IGHMBP2: variants seen among roughly 807,000 people sequenced by gnomAD.
IGHMBP2 encodes DNA-binding protein SMUBP-2.
Under a neutral mutation model 96.0 loss-of-function variants are expected in IGHMBP2, and 81 were observed. The observed-to-expected ratio is 0.84, with a 90% confidence interval of 0.71 to 1.01. The LOEUF (loss-of-function observed/expected upper bound fraction) is 1.01, where lower values mean the gene tolerates loss of function less well. Among genes scored for constraint, IGHMBP2 ranks in the 50% least tolerant of loss-of-function variants. The pLI is 0.00. For missense variants in IGHMBP2, 1,227 were observed against 1,306.3 expected (o/e 0.94, Z 0.94); for synonymous variants, 557 against 548.9 (o/e 1.01, Z -0.21).
At chr11:68,919,275 C>A (rs1408316436) in intron 7 of IGHMBP2, among the ~76,000 whole-genome samples, 1 of 150,458 alleles carries the variant, frequency 6.6e-6, no homozygotes, top group African/African-American at 2.4e-5. Context: ...TCTCCTCATC[C>A]CTGTCCCCAT....
chr11:68,936,093 C>T, intron 12 of IGHMBP2, 144 bp from the exon 13 acceptor site: 4 of 879,890 alleles, frequency 4.5e-6, no homozygotes, highest in South Asian at 4.1e-5. Flanking sequence ...CATCACGGTG[C>T]CACGCGTGGC....
At chr11:68,915,461 T>G (rs1327528683) in intron 6 of IGHMBP2, among the ~76,000 whole-genome samples, 1 of 151,236 alleles carries the variant, frequency 6.6e-6, no homozygotes, top group Non-Finnish European at 1.5e-5. Flanking sequence ...ATTACAGGCG[T>G]GAGCCACCAT....
chr11:68,909,800 G>A (rs1444875915), intron 4 of IGHMBP2, among the ~76,000 whole-genome samples: 1 of 151,696 alleles, frequency 6.6e-6, no homozygotes, highest in African/African-American at 2.4e-5. Flanking sequence ...GCTAATTTTT[G>A]TATTTTTTAG....
chr11:68,934,122 G>A, intron 10 of IGHMBP2: 8 of 622,446 alleles, frequency 1.3e-5, no homozygotes, highest in Middle Eastern at 4.3e-4. Context: ...GGGCCTGGCA[G>A]CATTTTACGG....
chr11:68,909,181 G>T (rs1482428768), intron 4 of IGHMBP2, among the ~76,000 whole-genome samples: 1 of 115,248 alleles, frequency 8.7e-6, no homozygotes, highest in East Asian at 2.5e-4. Flanking sequence ...TTTGGCGGGG[G>T]GGGTGGAGGG....
chr11:68,916,656 G>C (rs1858682823), intron 6 of IGHMBP2, among the ~76,000 whole-genome samples: 1 of 152,194 alleles, frequency 6.6e-6, no homozygotes, highest in Admixed American at 6.5e-5. Context: ...GGCGGCAGCA[G>C]AGAGGGTGCT....
intron 6 of IGHMBP2, among the ~76,000 whole-genome samples, chr11:68,915,257 G>T (rs1405583739): frequency 7.7e-6 from 1 of 129,602 alleles, no homozygotes; most frequent in African/African-American, 3.0e-5. Flanking sequence ...TCGGCTCACT[G>T]CAACCTCTGC....
At chr11:68,905,951 C>A in intron 1 of IGHMBP2, 118 bp from the exon 2 acceptor site, 1 of 1,015,644 alleles carries the variant, frequency 9.8e-7, no homozygotes, top group Non-Finnish European at 1.6e-6. Flanking sequence ...TCCATTGGGA[C>A]ATATTTAGTG....
rs776712637 is a variant in IGHMBP2 at position 68,934,563 on chromosome 11, G to A, written c.1632+5G>A. On this transcript the variant is annotated splice_donor_5th_base_variant and intron_variant, in intron 11 of 14. Coordinates refer to ENST00000255078, the MANE Select transcript of IGHMBP2 (RefSeq NM_002180.3). ...GTCTCGCCATACAACCTCCAGGTACGAGGGTTTCCTTTTGTCCCTCTACAG... is the reference window on the plus strand; with the variant it reads ...GTCTCGCCATACAACCTCCAGGTACAAGGGTTTCCTTTTGTCCCTCTACAG... 1.2e-5 allele frequency: 19 copies of A among 1,602,258 alleles called. No homozygotes were observed. The highest frequency in any genetic ancestry group is 6.7e-5 in the Admixed American group (4 of 59,304).
chr11:68,904,449 G>C (rs916848772), intron 1 of IGHMBP2, among the ~76,000 whole-genome samples: 1 of 152,196 alleles, frequency 6.6e-6, no homozygotes, highest in African/African-American at 2.4e-5. Context: ...GCCAGCGGCG[G>C]GCTGGGCATA....
At chr11:68,931,586 C>T (rs569957189) in intron 8 of IGHMBP2, among the ~76,000 whole-genome samples, 36 of 152,242 alleles carry the variant, frequency 2.4e-4, no homozygotes, top group African/African-American at 7.5e-4. Flanking sequence ...TGGGCTGCAG[C>T]GGCCACTCTA....
intron 5 of IGHMBP2, among the ~76,000 whole-genome samples, chr11:68,914,605 CA>C (rs1318828648): frequency 6.6e-6 from 1 of 152,222 alleles, no homozygotes; most frequent in African/African-American, 2.4e-5. Context: ...TTCCTTGTCA[CA>C]AGGACAGAGG....
intron 8 of IGHMBP2, chr11:68,929,742 C>A: frequency 1.0e-6 from 1 of 985,402 alleles, no homozygotes; most frequent in Non-Finnish European, 1.2e-6. Flanking sequence ...AGTCTTCAAT[C>A]TGTAGACACA....
chr11:68,938,292 A>G lies in IGHMBP2; in HGVS notation c.2722A>G (p.Thr908Ala). The change falls in exon 14 of 15, where the codon ACC (threonine) becomes GCC (alanine). Residue 908 changes from threonine to alanine, a missense_variant. Around this residue, in one of 3 missense-constraint regions of IGHMBP2, gnomAD observed 703 missense variants for 770.3 expected, o/e 0.91. Coordinates refer to ENST00000255078, the MANE Select transcript of IGHMBP2 (RefSeq NM_002180.3). ...TGCCAAGTGCACAGCCGGCGTCACA[A>G]CCCTGGGCCAGTTCTGCCAGCTCTG... ...GFAKCTAGVT[T>A]LGQFCQLCSR... 6.2e-7 allele frequency: 1 copy of G among 1,613,044 alleles called. No individual in the cohort carries two copies. Among genetic ancestry groups the G allele is most frequent in the Non-Finnish European group, 8.5e-7 (1 of 1,179,932 alleles).
rs745534850 is a variant in IGHMBP2, at chr11:68,929,316, G to A, written c.1194G>A (p.Ala398=). Reference sequence around the variant, plus strand: ...TGAAGGCCAGAAAGTGCATCCTGGCGGGCGATCACAAGCAGCTGCCCCCCA... The same window carrying A: ...TGAAGGCCAGAAAGTGCATCCTGGCAGGCGATCACAAGCAGCTGCCCCCCA... ...PLLKARKCIL[A]GDHKQLPPTT... Residue 398 remains alanine, a synonymous_variant, in exon 8 of 15, where the codon GCG becomes GCA. Coordinates refer to ENST00000255078, the MANE Select transcript of IGHMBP2 (RefSeq NM_002180.3). The A allele has an allele frequency of 2.4e-5, 38 of 1,613,520 alleles. 1 individual carries two copies. The African/African-American group carries it at 2.9e-4, about 12-fold the overall frequency.
At chr11:68,917,333 A>C (rs987977655) in intron 6 of IGHMBP2, among the ~76,000 whole-genome samples, 4 of 152,074 alleles carry the variant, frequency 2.6e-5, no homozygotes, top group African/African-American at 4.8e-5. Flanking sequence ...GGGTTGAAAA[A>C]ATTTTTTTTA....
intron 7 of IGHMBP2, among the ~76,000 whole-genome samples, chr11:68,920,519 T>C (rs1858838824): frequency 6.6e-6 from 1 of 152,260 alleles, no homozygotes; most frequent in Admixed American, 6.5e-5. Context: ...CTCACTGTGT[T>C]ACCCCTAACT....
chr11:68,929,372 C>T lies in IGHMBP2; in HGVS notation c.1235+15C>T. The T allele has an allele frequency of 3.1e-6, 5 of 1,609,620 alleles. No homozygotes were observed. The highest frequency in any genetic ancestry group is 4.2e-6 in the Non-Finnish European group (5 of 1,177,714). On this transcript the variant is annotated intron_variant, in intron 8 of 14. Transcript: ENST00000255078. ...GTCTCTCACAAGTAAGACCCCTTTG[C>T]CTCACATGCCCTTCTCTGCCCCCGC...
rs563739021 is a variant in IGHMBP2, at chr11:68,918,197, A to C, written c.1060+314A>C. 4.6e-5 allele frequency among the ~76,000 whole-genome samples: 7 copies of C among 152,066 alleles called. No individual in the cohort carries two copies. In the East Asian group the frequency reaches 1.4e-3, roughly 29 times the overall value. On this transcript the variant is annotated intron_variant, in intron 7 of 14. Coordinates refer to ENST00000255078, the MANE Select transcript of IGHMBP2 (RefSeq NM_002180.3). ...ATGAAGTGGTTCCTAATATGCCCTT[A>C]TTCTTCTTTTACTGTCTGCAGGATC...
Sources: allele counts gnomAD v4.1 joint callset (sites outside exome capture counted in the v4.1 genomes callset), GRCh38; gene constraint gnomAD v4.1.1; regional missense constraint gnomAD v4.1.1; transcripts MANE v1.5; gene names NCBI Gene and HGNC (gene_info 2026-07-23, HGNC 2026-07-21).